The following AFF4 variants were observed in gnomAD, a reference collection of about 807,000 sequenced individuals.
AFF4 encodes the protein AF4/FMR2 family member 4.
AFF4 carries 13 observed loss-of-function variants against 124.8 expected under a neutral mutation model. That is an observed-to-expected ratio of 0.10 (90% CI 0.07 to 0.17). AFF4 has a LOEUF of 0.17. AFF4 is among the 10% of genes least tolerant of loss of function. The probability of loss-of-function intolerance (pLI) is 1.00; values close to 1 mark genes in which losing one functional copy is unlikely to be tolerated. For synonymous variants in AFF4, 477 were observed against 496.1 expected (o/e 0.96, Z 0.51); for missense variants, 1,092 against 1,403.8 (o/e 0.78, Z 3.55).
chr5:132,950,042 T>C (rs1180957795), intron 1 of AFF4, among the ~76,000 whole-genome samples: 1 of 148,596 alleles, frequency 6.7e-6, no homozygotes, highest in African/African-American at 2.5e-5. Flanking sequence ...CAAATGAAAA[T>C]AAAAAGCGGC....
chr5:132,963,486 C>T lies in AFF4; in HGVS notation c.-232G>A. 2 of 398,078 alleles carry T rather than the reference C, an allele frequency of 5.0e-6. No individual in the cohort carries two copies. Among genetic ancestry groups the T allele is most frequent in the Admixed American group, 4.4e-5 (1 of 22,704 alleles). 24.7% of individuals were successfully genotyped at this position (398,078 alleles called of 1,614,324 possible). A position where few individuals can be genotyped will look rare whatever the true frequency, so the allele number is the denominator to read the frequency against. On this transcript the variant is annotated 5_prime_UTR_variant, in exon 1 of 21. Coordinates refer to ENST00000265343, the MANE Select transcript of AFF4 (RefSeq NM_014423.4). Reference sequence around the variant, plus strand: ...CCTCACACGGAACAGGCGTAGGCCCCGCACCGCTCCATGACGGTCGGGCCC... The same window carrying T: ...CCTCACACGGAACAGGCGTAGGCCCTGCACCGCTCCATGACGGTCGGGCCC...
At chr5:132,883,058 T>C (rs1377655168) in intron 20 of AFF4, among the ~76,000 whole-genome samples, 2 of 152,156 alleles carry the variant, frequency 1.3e-5, no homozygotes, top group Non-Finnish European at 1.5e-5. Flanking sequence ...TTATTACTTT[T>C]ATGGTATGAG....
intron 5 of AFF4, among the ~76,000 whole-genome samples, chr5:132,904,651 T>C (rs1760628881): frequency 6.6e-6 from 1 of 152,242 alleles, no homozygotes; most frequent in Non-Finnish European, 1.5e-5. Flanking sequence ...ATTGTAGTCA[T>C]ATCCTTATTT....
intron 5 of AFF4, among the ~76,000 whole-genome samples, chr5:132,909,595 A>C (rs1760747623): frequency 6.6e-6 from 1 of 152,170 alleles, no homozygotes; most frequent in Non-Finnish European, 1.5e-5. Context: ...GAGGTGTCTA[A>C]CTCATTTTTA....
In AFF4 at chr5:132,947,484, ATGTTTTT is replaced by A. The variant is rs200942522; in HGVS notation, c.-4-10298_-4-10292del. On this transcript the variant is annotated intron_variant, in intron 1 of 20. Transcript: ENST00000265343. ...CAAGTGGAGGTCAGAATTTGTTACA[ATGTTTTT>A]TGTTTTTTGTTTTTTTCACTTAGTG... Among the ~76,000 whole-genome samples, 274 of 152,290 alleles carry A rather than the reference ATGTTTTT, an allele frequency of 1.8e-3. 3 individuals are homozygous for A. The highest frequency in any genetic ancestry group is 5.1e-3 in the African/African-American group (213 of 41,568).
intron 5 of AFF4, among the ~76,000 whole-genome samples, chr5:132,906,613 AG>A (rs1760676934): frequency 6.6e-6 from 1 of 152,212 alleles, no homozygotes; most frequent in South Asian, 2.1e-4. Context: ...AGGAAGGTAG[AG>A]GGAAAGAGGG....
At position 132,899,572 on chromosome 5, in the gene AFF4, C is replaced by T. The variant is rs772181195; in HGVS notation, c.1188+15G>A. On this transcript the variant is annotated intron_variant, in intron 8 of 20. Transcript: ENST00000265343. ...ACTATATGAGACTGGCAAAATAATACAATAGTAGACACACCTGTTCCCCAT... is the reference window on the plus strand; with the variant it reads ...ACTATATGAGACTGGCAAAATAATATAATAGTAGACACACCTGTTCCCCAT... The T allele has an allele frequency of 1.2e-6, 2 of 1,600,702 alleles. No individual in the cohort carries two copies. Among genetic ancestry groups the T allele is most frequent in the South Asian group, 2.3e-5 (2 of 88,526 alleles).
chr5:132,949,438 A>C (rs1042420698), intron 1 of AFF4, among the ~76,000 whole-genome samples: 1 of 152,114 alleles, frequency 6.6e-6, no homozygotes, highest in African/African-American at 2.4e-5. Flanking sequence ...GCACTTTGGG[A>C]GGCCAAGGTG....
chr5:132,886,259 A>C (rs940028299), intron 18 of AFF4, 51 bp downstream of exon 18: 1 of 1,518,718 alleles, frequency 6.6e-7, no homozygotes, highest in African/African-American at 1.4e-5. Flanking sequence ...GGGATGGGAG[A>C]CTACAAATTC....
At chr5:132,906,195 C>T (rs1347583276) in intron 5 of AFF4, among the ~76,000 whole-genome samples, 2 of 152,202 alleles carry the variant, frequency 1.3e-5, no homozygotes, top group Non-Finnish European at 2.9e-5. Flanking sequence ...TGGAAACATT[C>T]TGGCAGTTCC....
chr5:132,902,320 T>G (rs894765794), intron 7 of AFF4, 122 bp downstream of exon 7: 47 of 761,674 alleles, frequency 6.2e-5, no homozygotes, highest in Middle Eastern at 6.8e-4. Flanking sequence ...AGTGCTAGGA[T>G]TACAGGTGTC....
chr5:132,888,688 T>C (rs1432499899), intron 14 of AFF4, among the ~76,000 whole-genome samples: 1 of 152,176 alleles, frequency 6.6e-6, no homozygotes, highest in African/African-American at 2.4e-5. Context: ...TATATCCTTC[T>C]GATCAATGAT....
At chr5:132,962,618 G>T (rs1199050703) in intron 1 of AFF4, among the ~76,000 whole-genome samples, 1 of 152,010 alleles carries the variant, frequency 6.6e-6, no homozygotes, top group Non-Finnish European at 1.5e-5. Context: ...CGTCAATTAC[G>T]AGATTAACCC....
At chr5:132,946,274 A>T (rs1009324429) in intron 1 of AFF4, among the ~76,000 whole-genome samples, 4 of 152,220 alleles carry the variant, frequency 2.6e-5, no homozygotes, top group Non-Finnish European at 2.9e-5. Flanking sequence ...AACTTTAACA[A>T]ATAATTACCA....
Position 132,933,411 on chromosome 5 carries a change from G to A in AFF4, c.918+736C>T, listed in dbSNP as rs555543061. ...AAACTCCAACTCAAAAAAAAAAAAA[G>A]AGAGAGATAAAATTTGGGCCAGGCA... On this transcript the variant is annotated intron_variant, in intron 3 of 20. Coordinates refer to ENST00000265343, the MANE Select transcript of AFF4 (RefSeq NM_014423.4). Among the ~76,000 whole-genome samples, 291 of 149,394 alleles carry A rather than the reference G, an allele frequency of 1.9e-3. 1 individual carries two copies. Among genetic ancestry groups the A allele is most frequent in the African/African-American group, 6.7e-3 (271 of 40,330 alleles).
intron 9 of AFF4, among the ~76,000 whole-genome samples, chr5:132,898,831 A>G (rs1023403515): frequency 1.3e-5 from 2 of 152,214 alleles, no homozygotes; most frequent in African/African-American, 2.4e-5. Context: ...CTATAATTCT[A>G]TGAATCCAGA....
Position 132,883,501 on chromosome 5 carries a change from T to C in AFF4, c.3203A>G (p.Asn1068Ser). 6.2e-7 allele frequency: 1 copy of C among 1,613,998 alleles called. No individual in the cohort carries two copies. Among genetic ancestry groups the C allele is most frequent in the Admixed American group, 1.7e-5 (1 of 60,012 alleles). The change falls in exon 20 of 21, where the codon AAT (asparagine) becomes AGT (serine). Residue 1068 changes from asparagine (N) to serine (S), a missense_variant. Physicochemically the swap from Asn to Ser is conservative, Grantham distance 46 (BLOSUM62 1). Around this residue, in one of 11 missense-constraint regions of AFF4, gnomAD observed 173 missense variants for 294.9 expected, o/e 0.59. Transcript: ENST00000265343. ...SPKLSPGNSG[N>S]YSSGASSASA... is the part of the protein sequence containing the mutation. ...AGCACTACTGGCCCCAGATGAATAATTTCCTGAATTGCCTGGTGACAGCTT... is the reference window on the plus strand; with the variant it reads ...AGCACTACTGGCCCCAGATGAATAACTTCCTGAATTGCCTGGTGACAGCTT...
chr5:132,901,285 GGT>G (rs1491263570), intron 7 of AFF4, among the ~76,000 whole-genome samples: 2 of 152,114 alleles, frequency 1.3e-5, no homozygotes, highest in Non-Finnish European at 2.9e-5. Flanking sequence ...CAAAGTGATA[GGT>G]ATATATATGG....
In AFF4 at chr5:132,898,221, C is replaced by G. The variant is rs1209291017; in HGVS notation, c.1389+9G>C. On this transcript the variant is annotated intron_variant, in intron 10 of 20. Transcript: ENST00000265343. ...GCCTGTGGAAGGTACCCCACCGCCT[C>G]TGTCTCACCTCGGGAGATGCACTCT... 3 of 1,614,052 alleles carry G rather than the reference C, an allele frequency of 1.9e-6. No homozygotes were observed. Among genetic ancestry groups the G allele is most frequent in the Admixed American group, 3.3e-5 (2 of 60,024 alleles).
Sources: gnomAD v4.1 joint callset for allele counts (sites outside exome capture counted in the v4.1 genomes callset) on GRCh38, gnomAD v4.1.1 for gene constraint, gnomAD v4.1.1 regional missense constraint, MANE v1.5 for transcripts, NCBI Gene and HGNC (gene_info 2026-07-23, HGNC 2026-07-21) for gene names.